The following DENND2B variants were observed in gnomAD, a reference collection of about 807,000 sequenced individuals.
DENND2B encodes the protein DENN domain-containing protein 2B.
DENND2B carries 32 observed loss-of-function variants against 116.0 expected under a neutral mutation model. The ratio of observed to expected loss-of-function variants is 0.28; its 90% CI spans 0.21 to 0.37. The LOEUF is 0.37. DENND2B is among the 10% of genes least tolerant of loss of function. DENND2B has a pLI of 1.00. For synonymous variants in DENND2B, 588 were observed against 583.9 expected (o/e 1.01, Z -0.10); for missense variants, 1,276 against 1,477.7 (o/e 0.86, Z 2.24).
chr11:8,733,738 G>A (rs1404885184), intron 2 of DENND2B, among the ~76,000 whole-genome samples: 1 of 152,196 alleles, frequency 6.6e-6, no homozygotes, highest in African/African-American at 2.4e-5. Flanking sequence ...AGGTCCTCTG[G>A]TCCATCTGAT....
At chr11:8,700,219 G>C (rs1158346726) in intron 14 of DENND2B, among the ~76,000 whole-genome samples, 1 of 152,192 alleles carries the variant, frequency 6.6e-6, no homozygotes, top group Non-Finnish European at 1.5e-5. Context: ...TTTGTTGGCT[G>C]ACAATGACCA....
At chr11:8,813,793 C>G (rs1304805798), upstream of DENND2B, among the ~76,000 whole-genome samples, 1 of 152,036 alleles carries the variant, frequency 6.6e-6, no homozygotes, top group Non-Finnish European at 1.5e-5. Flanking sequence ...TATGGAGGTT[C>G]CTTAGGGCCT....
At chr11:8,694,452 A>C in intron 19 of DENND2B, 1 of 453,158 alleles carries the variant, frequency 2.2e-6, no homozygotes, top group Non-Finnish European at 4.2e-6. Context: ...GGGCACTCGC[A>C]CTGCTGTGTC....
chr11:8,767,182 T>C (rs1467685055), intron 1 of DENND2B, among the ~76,000 whole-genome samples: 2 of 152,140 alleles, frequency 1.3e-5, no homozygotes, highest in African/African-American at 4.8e-5. Flanking sequence ...GGACAGACTA[T>C]CAGTTTGGAC....
At chr11:8,892,670 A>G (rs1041521202) in intron 1 of DENND2B, among the ~76,000 whole-genome samples, 2 of 152,254 alleles carry the variant, frequency 1.3e-5, no homozygotes, top group Non-Finnish European at 2.9e-5. Context: ...ATTTCTGGAC[A>G]CATACACCCT....
At chr11:8,816,968 T>C (rs1300234318) in intron 4 of DENND2B, among the ~76,000 whole-genome samples, 1 of 152,162 alleles carries the variant, frequency 6.6e-6, no homozygotes, top group African/African-American at 2.4e-5. Context: ...CTTGGGGCTT[T>C]GGGATCAGAC....
At chr11:8,794,428 A>C (rs573367161) in intron 1 of DENND2B, among the ~76,000 whole-genome samples, 5 of 152,250 alleles carry the variant, frequency 3.3e-5, no homozygotes, top group African/African-American at 1.2e-4. Flanking sequence ...CTGAGGCTAC[A>C]GGAGCCCCAG....
At chr11:8,698,564 T>C (rs2040884480) in intron 16 of DENND2B, among the ~76,000 whole-genome samples, 1 of 152,230 alleles carries the variant, frequency 6.6e-6, no homozygotes, top group Non-Finnish European at 1.5e-5. Flanking sequence ...TCTATAGTTA[T>C]TTGTGTAACC....
chr11:8,909,440 A>G (rs527484388), intron 1 of DENND2B, among the ~76,000 whole-genome samples: 3,077 of 45,022 alleles, frequency 0.068, 45 homozygotes, highest in Non-Finnish European at 0.15. Context: ...AGGAGGAGGA[A>G]GAAGGAGAAG....
At chr11:8,881,538 TTTTG>T (rs1317567906) in intron 1 of DENND2B, among the ~76,000 whole-genome samples, 5 of 152,152 alleles carry the variant, frequency 3.3e-5, no homozygotes, top group African/African-American at 4.8e-5. Context: ...GTCTTGTTCT[TTTTG>T]TTTGTTTGTT....
intron 3 of DENND2B, among the ~76,000 whole-genome samples, chr11:8,848,997 T>C (rs918078469): frequency 1.3e-5 from 2 of 152,144 alleles, no homozygotes; most frequent in Non-Finnish European, 2.9e-5. Flanking sequence ...ACTGCTGTTT[T>C]ATTGCCTATA....
chr11:8,891,654 A>G (rs904142063), intron 1 of DENND2B, among the ~76,000 whole-genome samples: 3 of 152,210 alleles, frequency 2.0e-5, no homozygotes, highest in African/African-American at 7.2e-5. Flanking sequence ...AGGCCATTAC[A>G]TAATGGTAAA....
At chr11:8,868,608 A>G (rs1218453338) in intron 2 of DENND2B, among the ~76,000 whole-genome samples, 2 of 152,234 alleles carry the variant, frequency 1.3e-5, no homozygotes, top group Non-Finnish European at 2.9e-5. Context: ...TCTTTTTAAA[A>G]ACAAGAATTC....
At chr11:8,810,803 A>ACTCT (rs2061328946), upstream of DENND2B, 7 of 105,548 alleles carry the variant, frequency 6.6e-5, no homozygotes, top group South Asian at 1.6e-3. Flanking sequence ...TTTCTTTCTC[A>ACTCT]CTGTCTCTCT....
intron 2 of DENND2B, among the ~76,000 whole-genome samples, chr11:8,867,871 C>T (rs1298846811): frequency 1.3e-5 from 2 of 152,232 alleles, no homozygotes; most frequent in Non-Finnish European, 2.9e-5. Context: ...GTGTGAGCCA[C>T]AGCACCTGGC....
intron 1 of DENND2B, 51 bp from the exon 2 acceptor site, chr11:8,750,776 C>T: frequency 6.5e-7 from 1 of 1,542,406 alleles, no homozygotes; most frequent in Non-Finnish European, 9.0e-7. Flanking sequence ...CAGCCAAAAG[C>T]ACCTTGAACA....
intron 11 of DENND2B, 54 bp downstream of exon 11, chr11:8,710,784 CACACACA>C: frequency 6.8e-7 from 1 of 1,476,114 alleles, no homozygotes; most frequent in South Asian, 1.1e-5. Context: ...CACACACACA[CACACACA>C]CACCCTGGCC....
chr11:8,707,013 C>T lies in DENND2B; in HGVS notation c.2571+72G>A, dbSNP rs1327467010. On this transcript the variant is annotated intron_variant, in intron 13 of 19. Transcript: ENST00000313726. The surrounding 1 kb of genome is among the most constrained non-coding windows in gnomAD (Gnocchi z 4.8). The stretch of plus-strand genomic sequence containing the variant: ...CGTGCTCTGCAACCCCCAAAGACTA[C>T]GACCTTGGCCAGCATGGTCCTCCTG... 22 of 1,547,378 alleles carry T rather than the reference C, an allele frequency of 1.4e-5. No homozygotes were observed. In the Admixed American group the frequency reaches 1.8e-4, roughly 13 times the overall value.
chr11:8,898,587 C>T (rs866300404), intron 1 of DENND2B, among the ~76,000 whole-genome samples: 5 of 152,206 alleles, frequency 3.3e-5, no homozygotes, highest in East Asian at 1.9e-4. Context: ...TTTAAAACAG[C>T]GATCAGCAAA....
Sources: allele counts gnomAD v4.1 joint callset (sites outside exome capture counted in the v4.1 genomes callset), GRCh38; gene constraint gnomAD v4.1.1; non-coding constraint Gnocchi (gnomAD v3.1); transcripts MANE v1.5; gene names NCBI Gene and HGNC (gene_info 2026-07-23, HGNC 2026-07-21).